CRACD: variants seen among roughly 807,000 people sequenced by gnomAD.
CRACD encodes capping protein-inhibiting regulator of actin dynamics.
Under a neutral mutation model 106.8 loss-of-function variants are expected in CRACD, and 56 were observed. That is an observed-to-expected ratio of 0.52 (90% CI 0.42 to 0.66). The LOEUF (loss-of-function observed/expected upper bound fraction) is 0.66. CRACD is among the 30% of genes least tolerant of loss of function. The pLI, the probability that CRACD is intolerant of heterozygous loss-of-function variation, is 0.00. For synonymous variants in CRACD, 754 were observed against 670.8 expected (o/e 1.12, Z -1.92); for missense variants, 1,730 against 1,623.2 (o/e 1.07, Z -1.13).
intron 2 of CRACD, chr4:56,216,247 T>A (rs916946712): frequency 6.6e-6 from 1 of 152,250 alleles, no homozygotes; most frequent in Non-Finnish European, 1.5e-5. Flanking sequence ...CATCTTCCTC[T>A]CTCCCCCAAC....
intron 3 of CRACD, among the ~76,000 whole-genome samples, chr4:56,281,383 C>T (rs533764570): frequency 5.9e-5 from 9 of 152,202 alleles, no homozygotes; most frequent in African/African-American, 2.2e-4. Flanking sequence ...TCCACAAAAC[C>T]GGTTCCTGGT....
At chr4:56,144,189 A>G (rs545980765) in intron 1 of CRACD, among the ~76,000 whole-genome samples, 5 of 152,326 alleles carry the variant, frequency 3.3e-5, no homozygotes, top group Non-Finnish European at 5.9e-5. Context: ...GAACTAGAGC[A>G]AAAGTGGAGA....
intron 1 of CRACD, among the ~76,000 whole-genome samples, chr4:56,162,500 C>A (rs1442674074): frequency 6.6e-6 from 1 of 152,204 alleles, no homozygotes; most frequent in Non-Finnish European, 1.5e-5. Flanking sequence ...AGCCACCATG[C>A]CTAGCTGGGC....
At chr4:56,164,853 G>T (rs570298786) in intron 1 of CRACD, among the ~76,000 whole-genome samples, 1 of 152,252 alleles carries the variant, frequency 6.6e-6, no homozygotes, top group East Asian at 1.9e-4. Context: ...ATGGAGAATC[G>T]ACCTAAAAGG....
rs556653183 is a variant in CRACD at position 56,291,235 on chromosome 4, A to G, written c.-16-6979A>G. On this transcript the variant is annotated intron_variant, in intron 3 of 10. Coordinates refer to ENST00000682029, the MANE Select transcript of CRACD (RefSeq NM_001393381.1). ...GGCCCCTCTCTCTTGGTTCCCTCTT[A>G]AAAGGAAGCAGGGAGAGGTGGAGTT... 6.6e-5 allele frequency among the ~76,000 whole-genome samples: 10 copies of G among 152,280 alleles called. 1 individual carries two copies. In the South Asian group the frequency reaches 1.9e-3, roughly 28 times the overall value.
chr4:56,294,305 A>G (rs1743864609), intron 3 of CRACD, among the ~76,000 whole-genome samples: 1 of 152,188 alleles, frequency 6.6e-6, no homozygotes, highest in Non-Finnish European at 1.5e-5. Flanking sequence ...AGATCAATAT[A>G]TAAAAATAAG....
At chr4:56,248,920 C>A (rs9762730) in intron 2 of CRACD, among the ~76,000 whole-genome samples, 96,754 of 138,922 alleles carry the variant, frequency 0.7, 33,587 homozygotes, top group Middle Eastern at 0.79. Flanking sequence ...ATTTTTATGG[C>A]TGCATAGTAT....
At chr4:56,203,215 T>G (rs1258398827) in intron 2 of CRACD, among the ~76,000 whole-genome samples, 1 of 152,222 alleles carries the variant, frequency 6.6e-6, no homozygotes, top group African/African-American at 2.4e-5. Context: ...CTTTGTTTCT[T>G]TCTCCTGCTC....
At chr4:56,285,185 C>T (rs1743266380) in intron 3 of CRACD, among the ~76,000 whole-genome samples, 1 of 152,146 alleles carries the variant, frequency 6.6e-6, no homozygotes, top group South Asian at 2.1e-4. Context: ...CTCACTATCA[C>T]AAGAACAGCA....
chr4:56,191,245 C>G (rs1255968993), intron 2 of CRACD, among the ~76,000 whole-genome samples: 2 of 152,164 alleles, frequency 1.3e-5, no homozygotes, highest in African/African-American at 4.8e-5. Flanking sequence ...AGGCCTGGCT[C>G]CTTCTGGAGG....
At chr4:56,302,556 A>T (rs1265585087) in intron 4 of CRACD, among the ~76,000 whole-genome samples, 1 of 152,172 alleles carries the variant, frequency 6.6e-6, no homozygotes, top group Non-Finnish European at 1.5e-5. Context: ...GGATTTTGAC[A>T]CCTTACTGCA....
chr4:56,063,747 C>A (rs565039225), intron 1 of CRACD, among the ~76,000 whole-genome samples: 1 of 152,196 alleles, frequency 6.6e-6, no homozygotes, highest in South Asian at 2.1e-4. Flanking sequence ...ATGAAATTTT[C>A]TGTTGATGGA....
chr4:56,062,404 C>A (rs1732307995), intron 1 of CRACD, among the ~76,000 whole-genome samples: 1 of 152,124 alleles, frequency 6.6e-6, no homozygotes, highest in African/African-American at 2.4e-5. Flanking sequence ...AAGTGGAAGG[C>A]TGAGGCATGT....
intron 2 of CRACD, among the ~76,000 whole-genome samples, chr4:56,247,147 A>C (rs1458585514): frequency 6.6e-6 from 1 of 152,110 alleles, no homozygotes; most frequent in East Asian, 1.9e-4. Flanking sequence ...GGGTTGTGGG[A>C]GAAGCAAGGC....
At chr4:56,144,942 C>T (rs1735329902) in intron 1 of CRACD, among the ~76,000 whole-genome samples, 1 of 152,108 alleles carries the variant, frequency 6.6e-6, no homozygotes, top group Non-Finnish European at 1.5e-5. Context: ...GTGTGCACCA[C>T]CATGCCCAGC....
intron 2 of CRACD, among the ~76,000 whole-genome samples, chr4:56,229,593 A>G (rs1206086842): frequency 6.6e-6 from 1 of 152,238 alleles, no homozygotes; most frequent in Non-Finnish European, 1.5e-5. Context: ...CATGCTATGT[A>G]TGGATTACCA....
rs1743022179 is a variant in CRACD at position 56,281,258 on chromosome 4, C to A, written c.-17+8766C>A. On this transcript the variant is annotated intron_variant, in intron 3 of 10. Transcript: ENST00000682029. ...AGCATGAACCCTATTGTGAACTGTG[C>A]ATGCGAGGGATCTAGGTGGCGTGCT... Among the ~76,000 whole-genome samples the A allele has an allele frequency of 2.0e-5, 3 of 152,070 alleles. No homozygotes were observed. In the South Asian group the frequency reaches 6.2e-4, roughly 32 times the overall value.
At chr4:56,164,840 T>C (rs1374108564) in intron 1 of CRACD, among the ~76,000 whole-genome samples, 1 of 152,204 alleles carries the variant, frequency 6.6e-6, no homozygotes, top group African/African-American at 2.4e-5. Flanking sequence ...CAGGCAAAGA[T>C]AAATGGAGAA....
rs1746692962 is a variant in CRACD at position 56,329,836 on chromosome 4, G to A, written c.*2032G>A. ...ATCCCAATTATGGCAGGGAACAGGTGGGGAACTAAGATCAGTTACAAAAAG... is the reference window on the plus strand; with the variant it reads ...ATCCCAATTATGGCAGGGAACAGGTAGGGAACTAAGATCAGTTACAAAAAG... On this transcript the variant is annotated 3_prime_UTR_variant, in exon 11 of 11. Coordinates refer to ENST00000682029, the MANE Select transcript of CRACD (RefSeq NM_001393381.1). Among the ~76,000 whole-genome samples the A allele has an allele frequency of 6.6e-6, 1 of 152,122 alleles. No homozygotes were observed. The highest frequency in any genetic ancestry group is 1.5e-5 in the Non-Finnish European group (1 of 68,006).
Sources: allele counts gnomAD v4.1 joint callset (sites outside exome capture counted in the v4.1 genomes callset), GRCh38; gene constraint gnomAD v4.1.1; transcripts MANE v1.5; gene names NCBI Gene and HGNC (gene_info 2026-07-23, HGNC 2026-07-21).